PLXDC2: variants seen among roughly 807,000 people sequenced by gnomAD.
PLXDC2 encodes plexin domain-containing protein 2.
A neutral mutation model predicts 68.9 loss-of-function variants in PLXDC2; 40 were observed. The ratio of observed to expected loss-of-function variants is 0.58; its 90% CI spans 0.45 to 0.76. PLXDC2 has a LOEUF of 0.76. Among genes scored for constraint, PLXDC2 ranks in the 30% least tolerant of loss-of-function variants. The pLI, the probability that PLXDC2 is intolerant of heterozygous loss-of-function variation, is 0.00. For missense variants in PLXDC2, 644 were observed against 661.9 expected, an observed-to-expected ratio of 0.97 and a Z score of 0.30; for synonymous variants, 243 against 234.2, an observed-to-expected ratio of 1.04 and a Z score of -0.34.
intron 7 of PLXDC2, among the ~76,000 whole-genome samples, chr10:20,173,962 A>T (rs2131823386): frequency 6.6e-6 from 1 of 152,308 alleles, no homozygotes; most frequent in Admixed American, 6.5e-5. Context: ...GAGGTTTCTG[A>T]GCAGGTAATA....
At chr10:19,995,143 T>G (rs922154986) in intron 1 of PLXDC2, among the ~76,000 whole-genome samples, 2 of 152,192 alleles carry the variant, frequency 1.3e-5, no homozygotes, top group African/African-American at 4.8e-5. Context: ...AGTCTCTATT[T>G]TGAGACATCT....
intron 1 of PLXDC2, among the ~76,000 whole-genome samples, chr10:19,993,719 C>T (rs1488726192): frequency 3.9e-5 from 6 of 152,174 alleles, no homozygotes; most frequent in Non-Finnish European, 8.8e-5. Context: ...AGTACCTGGC[C>T]AAGTGTGTAT....
intron 1 of PLXDC2, among the ~76,000 whole-genome samples, chr10:19,850,155 T>A (rs533028722): frequency 2.6e-5 from 4 of 152,326 alleles, no homozygotes; most frequent in African/African-American, 9.6e-5. Context: ...TATTTAATGC[T>A]AACCACACTG....
chr10:19,906,866 C>T (rs1270856256), intron 1 of PLXDC2, among the ~76,000 whole-genome samples: 1 of 152,158 alleles, frequency 6.6e-6, no homozygotes, highest in Non-Finnish European at 1.5e-5. Flanking sequence ...ACTCTTCTGT[C>T]TGCCTGGAGC....
At chr10:20,008,194 T>G (rs1376967332) in intron 2 of PLXDC2, among the ~76,000 whole-genome samples, 2 of 152,178 alleles carry the variant, frequency 1.3e-5, no homozygotes, top group Non-Finnish European at 2.9e-5. Context: ...CTCTAATAGC[T>G]GATTGCAGCC....
At chr10:19,977,012 C>G (rs1834468597) in intron 1 of PLXDC2, among the ~76,000 whole-genome samples, 1 of 152,024 alleles carries the variant, frequency 6.6e-6, no homozygotes, top group African/African-American at 2.4e-5. Flanking sequence ...ATTCTCTGAT[C>G]TTTCTGAGGA....
intron 1 of PLXDC2, among the ~76,000 whole-genome samples, chr10:19,966,555 A>T (rs543205784): frequency 6.6e-6 from 1 of 151,880 alleles, no homozygotes; most frequent in Non-Finnish European, 1.5e-5. Flanking sequence ...AAATGGGGTA[A>T]AGCAGCAAGT....
At chr10:20,081,875 C>T (rs543848641) in intron 4 of PLXDC2, among the ~76,000 whole-genome samples, 1 of 151,510 alleles carries the variant, frequency 6.6e-6, no homozygotes, top group Admixed American at 6.6e-5. Context: ...CCCATCTCTA[C>T]TAGAAAAAAA....
intron 2 of PLXDC2, among the ~76,000 whole-genome samples, chr10:20,015,025 T>G (rs1835186592): frequency 1.3e-5 from 2 of 152,180 alleles, no homozygotes; most frequent in Admixed American, 1.3e-4. Flanking sequence ...AGAAAATGAT[T>G]TTCAGCTTTG....
intron 12 of PLXDC2, 81 bp downstream of exon 12, chr10:20,219,183 C>T (rs962859573): frequency 4.2e-5 from 59 of 1,398,058 alleles, no homozygotes; most frequent in Admixed American, 6.2e-5. Context: ...AAAGGCAATA[C>T]GGGCTTCTAG....
chr10:19,846,418 C>T (rs1436667903), intron 1 of PLXDC2, among the ~76,000 whole-genome samples: 1 of 152,096 alleles, frequency 6.6e-6, no homozygotes, highest in Admixed American at 6.6e-5. Context: ...TCAAGTCTTA[C>T]TGATGGGTTA....
chr10:19,937,842 C>G (rs1449261993), intron 1 of PLXDC2, among the ~76,000 whole-genome samples: 1 of 152,056 alleles, frequency 6.6e-6, no homozygotes, highest in Non-Finnish European at 1.5e-5. Context: ...GAGAAGGAGG[C>G]AACGTCCAGT....
intron 2 of PLXDC2, among the ~76,000 whole-genome samples, chr10:20,014,381 T>C (rs2131647405): frequency 1.6e-5 from 1 of 62,686 alleles, no homozygotes; most frequent in East Asian, 5.2e-4. Context: ...CTTCCTTCCT[T>C]GCTTCCTTCC....
intron 1 of PLXDC2, among the ~76,000 whole-genome samples, chr10:19,877,926 G>A (rs1280755517): frequency 1.3e-5 from 2 of 152,210 alleles, no homozygotes. Flanking sequence ...ATGCCAGAAA[G>A]TAAGTGCCTT....
At chr10:20,055,776 A>G (rs1203237479) in intron 3 of PLXDC2, among the ~76,000 whole-genome samples, 1 of 152,164 alleles carries the variant, frequency 6.6e-6, no homozygotes, top group African/African-American at 2.4e-5. Context: ...TTTTACATAC[A>G]TAAAGGAAGA....
At chr10:20,099,071 A>G (rs1354050183) in intron 4 of PLXDC2, among the ~76,000 whole-genome samples, 1 of 152,192 alleles carries the variant, frequency 6.6e-6, no homozygotes, top group African/African-American at 2.4e-5. Flanking sequence ...ACTTTTTGAT[A>G]TGAAAAAATA....
At chr10:20,142,692 C>A (rs1358444563) in intron 4 of PLXDC2, among the ~76,000 whole-genome samples, 1 of 151,672 alleles carries the variant, frequency 6.6e-6, no homozygotes, top group Non-Finnish European at 1.5e-5. Context: ...ACCTTACCTG[C>A]AAACATATAG....
intron 1 of PLXDC2, among the ~76,000 whole-genome samples, chr10:19,978,838 T>C (rs912614158): frequency 2.0e-5 from 3 of 152,232 alleles, no homozygotes; most frequent in Non-Finnish European, 2.9e-5. Flanking sequence ...ATTACAATGA[T>C]AGTTTATTGA....
rs1319065162 is a variant in PLXDC2 at position 19,974,749 on chromosome 10, T to G, written c.113-27026T>G. On this transcript the variant is annotated intron_variant, in intron 1 of 13. Transcript: ENST00000377252. ...ACCACTATACCCATGGAGAACCTAG[T>G]TGGCATTCAATAGATTTCAGTTAAA... 2.0e-5 allele frequency among the ~76,000 whole-genome samples: 3 copies of G among 152,216 alleles called. No homozygotes were observed. In the South Asian group the frequency reaches 6.2e-4, roughly 31 times the overall value.
Sources: gnomAD v4.1 joint callset for allele counts (sites outside exome capture counted in the v4.1 genomes callset) on GRCh38, gnomAD v4.1.1 for gene constraint, MANE v1.5 for transcripts, NCBI Gene and HGNC (gene_info 2026-07-23, HGNC 2026-07-21) for gene names.